KCND3: variants seen among roughly 807,000 people sequenced by gnomAD.
KCND3 encodes potassium voltage-gated channel subfamily D member 3, also known as A-type voltage-gated potassium channel KCND3.
KCND3 carries 9 observed loss-of-function variants against 51.1 expected under a neutral mutation model. That is an observed-to-expected ratio of 0.18 (90% CI 0.11 to 0.31). The LOEUF (loss-of-function observed/expected upper bound fraction) is 0.31, where lower values mean the gene tolerates loss of function less well. Ranked by LOEUF, KCND3 falls within the 10% of genes least tolerant of loss-of-function variation. The pLI, the probability that KCND3 is intolerant of heterozygous loss-of-function variation, is 1.00. For missense variants in KCND3, 526 were observed against 903.8 expected (o/e 0.58, Z 5.36); for synonymous variants, 349 against 368.0 (o/e 0.95, Z 0.59).
intron 2 of KCND3, among the ~76,000 whole-genome samples, chr1:111,894,159 G>C (rs951933068): frequency 2.6e-5 from 4 of 152,262 alleles, no homozygotes; most frequent in African/African-American, 9.6e-5. Flanking sequence ...TGTGGTTGAG[G>C]GCTCTTCTCA....
rs577340216 is a variant in KCND3, at chr1:111,865,681, G to T, written c.1107-78575C>A. Among the ~76,000 whole-genome samples, 497 of 152,066 alleles carry T rather than the reference G, an allele frequency of 3.3e-3. 7 individuals are homozygous for T. The highest frequency in any genetic ancestry group is 0.012 in the African/African-American group (486 of 41,490). ...AAAACAGCTCTGGAATCCTTTTTTT[G>T]GGGTTTCCTTAAAGACATTTATGTT... On this transcript the variant is annotated intron_variant, in intron 2 of 7. Coordinates refer to ENST00000302127, the MANE Select transcript of KCND3 (RefSeq NM_001378969.1).
chr1:111,805,988 C>A (rs1352678202), intron 2 of KCND3, among the ~76,000 whole-genome samples: 1 of 152,164 alleles, frequency 6.6e-6, no homozygotes, highest in African/African-American at 2.4e-5. Flanking sequence ...TGTGGTTCCC[C>A]TCAGGCCAAA....
intron 1 of KCND3, among the ~76,000 whole-genome samples, chr1:111,986,730 A>G (rs1675306735): frequency 6.6e-6 from 1 of 152,174 alleles, no homozygotes; most frequent in African/African-American, 2.4e-5. Context: ...ACAATCACCC[A>G]TGCAAAGAAG....
Position 111,980,457 on chromosome 1 carries a change from G to GA in KCND3, c.1106+1163dup, listed in dbSNP as rs528139785. ...CCCAATAAGCATACGCAGCACTATGGAAAAACCAACACTATTGCCTCTGGG... is the reference window on the plus strand; with the variant it reads ...CCCAATAAGCATACGCAGCACTATGGAAAAAACCAACACTATTGCCTCTGGG... On this transcript the variant is annotated intron_variant, in intron 2 of 7. Transcript: ENST00000302127. Among the ~76,000 whole-genome samples, 16 of 151,320 alleles carry GA rather than the reference G, an allele frequency of 1.1e-4. No individual in the cohort carries two copies. In the South Asian group the frequency reaches 3.3e-3, roughly 32 times the overall value.
At chr1:111,980,258 G>C (rs1434857427) in intron 2 of KCND3, among the ~76,000 whole-genome samples, 3 of 151,680 alleles carry the variant, frequency 2.0e-5, no homozygotes, top group Non-Finnish European at 4.4e-5. Context: ...GGGAGGAAGG[G>C]GCAGGGTGGT....
chr1:111,822,383 C>G (rs1015504987), intron 2 of KCND3, among the ~76,000 whole-genome samples: 1 of 152,132 alleles, frequency 6.6e-6, no homozygotes, highest in Non-Finnish European at 1.5e-5. Flanking sequence ...CTTCTTGCCC[C>G]GCCGGTAACC....
At chr1:111,905,987 G>A (rs570505673) in intron 2 of KCND3, among the ~76,000 whole-genome samples, 5 of 152,304 alleles carry the variant, frequency 3.3e-5, no homozygotes, top group East Asian at 1.9e-4. Context: ...CAGCAGTCTC[G>A]TAACTACCTG....
At chr1:111,855,000 C>T (rs950753381) in intron 2 of KCND3, among the ~76,000 whole-genome samples, 5 of 152,212 alleles carry the variant, frequency 3.3e-5, no homozygotes, top group African/African-American at 1.2e-4. Flanking sequence ...AAGGTACCTG[C>T]CACTCTGTGG....
chr1:111,924,830 G>A (rs762801314), intron 2 of KCND3, among the ~76,000 whole-genome samples: 3 of 152,208 alleles, frequency 2.0e-5, no homozygotes, highest in South Asian at 2.1e-4. Flanking sequence ...ACCCTGAGAG[G>A]GACAAGAGCA....
At chr1:111,908,312 A>G (rs1280110996) in intron 2 of KCND3, among the ~76,000 whole-genome samples, 1 of 152,226 alleles carries the variant, frequency 6.6e-6, no homozygotes, top group South Asian at 2.1e-4. Flanking sequence ...AAGCTCAGAG[A>G]GGCAAAATAA....
chr1:111,822,961 G>A (rs1034818776), intron 2 of KCND3, among the ~76,000 whole-genome samples: 6 of 152,172 alleles, frequency 3.9e-5, no homozygotes, highest in African/African-American at 1.2e-4. Context: ...CCATATGATG[G>A]GAAATTCAAG....
chr1:111,893,545 A>G (rs572241763), intron 2 of KCND3, among the ~76,000 whole-genome samples: 83 of 152,352 alleles, frequency 5.4e-4, no homozygotes, highest in African/African-American at 1.9e-3. Context: ...AGGAATTCAC[A>G]TGTAAATGAG....
intron 2 of KCND3, among the ~76,000 whole-genome samples, chr1:111,911,249 A>C (rs1350494530): frequency 6.6e-6 from 1 of 152,246 alleles, no homozygotes; most frequent in African/African-American, 2.4e-5. Context: ...CCTGGCTTGA[A>C]AGTACATGAT....
At chr1:111,869,209 A>G (rs1668726155) in intron 2 of KCND3, among the ~76,000 whole-genome samples, 1 of 152,112 alleles carries the variant, frequency 6.6e-6, no homozygotes, top group Non-Finnish European at 1.5e-5. Flanking sequence ...AGTTTGCTTT[A>G]TCGATTTCAG....
At chr1:111,829,995 G>T (rs888885805) in intron 2 of KCND3, among the ~76,000 whole-genome samples, 1 of 152,020 alleles carries the variant, frequency 6.6e-6, no homozygotes, top group Non-Finnish European at 1.5e-5. Context: ...TCGACTCTTC[G>T]GTGGCTATTG....
At chr1:111,862,903 G>A (rs1169675140) in intron 2 of KCND3, among the ~76,000 whole-genome samples, 1 of 152,212 alleles carries the variant, frequency 6.6e-6, no homozygotes. Context: ...TGTAAGAGGT[G>A]GAGGTGTGAG....
chr1:111,840,044 C>G (rs1261915277), intron 2 of KCND3, among the ~76,000 whole-genome samples: 1 of 152,184 alleles, frequency 6.6e-6, no homozygotes, highest in Non-Finnish European at 1.5e-5. Flanking sequence ...GATGTGGTGT[C>G]CAGCGAGGGC....
intron 2 of KCND3, among the ~76,000 whole-genome samples, chr1:111,944,772 T>C (rs1039203539): frequency 3.3e-5 from 5 of 152,206 alleles, no homozygotes; most frequent in Admixed American, 2.0e-4. Context: ...ATATATTCCC[T>C]GGGGGTGATT....
chr1:111,932,902 A>T (rs1672048812), intron 2 of KCND3, among the ~76,000 whole-genome samples: 1 of 152,214 alleles, frequency 6.6e-6, no homozygotes, highest in Non-Finnish European at 1.5e-5. Flanking sequence ...GTCCAGACCC[A>T]GCCATCTATT....
Sources: gnomAD v4.1 joint callset for allele counts (sites outside exome capture counted in the v4.1 genomes callset) on GRCh38, gnomAD v4.1.1 for gene constraint, MANE v1.5 for transcripts, NCBI Gene and HGNC (gene_info 2026-07-23, HGNC 2026-07-21) for gene names.